The following CR1L variants were observed in gnomAD, a reference collection of about 807,000 sequenced individuals.
The protein encoded by CR1L is complement component receptor 1-like protein.
Under a neutral mutation model 62.3 loss-of-function variants are expected in CR1L, and 59 were observed. That is an observed-to-expected ratio of 0.95 (90% CI 0.77 to 1.18). The LOEUF (loss-of-function observed/expected upper bound fraction) is 1.18, where lower values mean the gene tolerates loss of function less well. CR1L is among the 50% of genes most tolerant of loss of function. CR1L has a pLI of 0.00. For synonymous variants in CR1L, 279 were observed against 248.7 expected (o/e 1.12, Z -1.15); for missense variants, 700 against 702.8 (o/e 1.00, Z 0.04).
In CR1L at chr1:207,679,153, ATTTTTTTTTT is replaced by A. The variant is rs34703217; in HGVS notation, c.377+870_377+879del. On this transcript the variant is annotated intron_variant, in intron 3 of 11. Transcript: ENST00000508064. Reference sequence around the variant, plus strand: ...GCTGGGACAACAGGTGCCCACCACCATTTTTTTTTTTTTTTTTTTTTTTGTATTTTTAGTA... The same window carrying A: ...GCTGGGACAACAGGTGCCCACCACCATTTTTTTTTTTTTGTATTTTTAGTA... Among the ~76,000 whole-genome samples, 11 of 90,288 alleles carry A rather than the reference ATTTTTTTTTT, an allele frequency of 1.2e-4. No homozygotes were observed. The East Asian group carries it at 3.2e-3, about 26-fold the overall frequency. The allele number at this position is 90,288 out of a possible 152,430, so 59.2% of individuals were successfully genotyped here.
chr1:207,682,742 C>G (rs576466363), intron 3 of CR1L, among the ~76,000 whole-genome samples: 1 of 152,172 alleles, frequency 6.6e-6, no homozygotes, highest in East Asian at 1.9e-4. Flanking sequence ...AAGTTTGAGC[C>G]TACCCTCACT....
chr1:207,675,385 G>A (rs1429948119), intron 1 of CR1L, among the ~76,000 whole-genome samples: 4 of 152,192 alleles, frequency 2.6e-5, no homozygotes, highest in Non-Finnish European at 5.9e-5. Context: ...ACAGGCCAGG[G>A]AAGGCTTCGA....
chr1:207,680,091 G>T (rs986556573), intron 3 of CR1L, among the ~76,000 whole-genome samples: 1 of 152,200 alleles, frequency 6.6e-6, no homozygotes. Flanking sequence ...TGGACCCTAA[G>T]ATAAACTATG....
In CR1L at chr1:207,718,798, C is replaced by A. The variant is rs1450751994; in HGVS notation, c.1642+1107C>A. Among the ~76,000 whole-genome samples the A allele has an allele frequency of 3.3e-5, 5 of 151,862 alleles. No individual in the cohort carries two copies. The South Asian group carries it at 1.0e-3, about 32-fold the overall frequency. ...ACTATAAATCATGCTGCTATAAAGA[C>A]ACATGCACACGTATGTTTATTGCGG... On this transcript the variant is annotated intron_variant, in intron 11 of 11. Coordinates refer to ENST00000508064, the MANE Select transcript of CR1L (RefSeq NM_175710.2).
chr1:207,703,916 C>T (rs59250183), intron 9 of CR1L, among the ~76,000 whole-genome samples: 228 of 151,608 alleles, frequency 1.5e-3, no homozygotes, highest in African/African-American at 5.2e-3. Flanking sequence ...ATTGCGTCAC[C>T]GCACTCCAGG....
At chr1:207,692,897 T>C (rs1664018525) in intron 4 of CR1L, among the ~76,000 whole-genome samples, 1 of 152,212 alleles carries the variant, frequency 6.6e-6, no homozygotes, top group Non-Finnish European at 1.5e-5. Context: ...CTCTTTCTGG[T>C]GTGTTTCCTT....
At chr1:207,709,837 A>AG (rs1344077803) in intron 10 of CR1L, among the ~76,000 whole-genome samples, 1 of 151,708 alleles carries the variant, frequency 6.6e-6, no homozygotes, top group African/African-American at 2.4e-5. Context: ...TGTCTCAAAA[A>AG]AAAAAAAAAA....
At chr1:207,693,227 C>A (rs894810429) in intron 4 of CR1L, among the ~76,000 whole-genome samples, 5 of 152,182 alleles carry the variant, frequency 3.3e-5, no homozygotes, top group African/African-American at 4.8e-5. Context: ...AAGGAATCTT[C>A]CCACCTCAGC....
chr1:207,695,150 G>C (rs1358452692), intron 5 of CR1L, among the ~76,000 whole-genome samples: 1 of 152,138 alleles, frequency 6.6e-6, no homozygotes, highest in African/African-American at 2.4e-5. Flanking sequence ...GCTTGAGACA[G>C]GGTCTTGATC....
chr1:207,719,778 C>T (rs1291284268), intron 11 of CR1L, among the ~76,000 whole-genome samples: 1 of 151,946 alleles, frequency 6.6e-6, no homozygotes, highest in Non-Finnish European at 1.5e-5. Context: ...TACACAACAA[C>T]CTATGAGGAG....
At chr1:207,679,641 C>T (rs1663764373) in intron 3 of CR1L, among the ~76,000 whole-genome samples, 3 of 152,176 alleles carry the variant, frequency 2.0e-5, no homozygotes, top group Admixed American at 1.3e-4. Flanking sequence ...AAAAAATCTG[C>T]ACACAGATGT....
chr1:207,694,360 T>C lies in CR1L; in HGVS notation c.471T>C (p.Ile157=), dbSNP rs1205054605. ...GTGCTCTTCCTTTCCCAGGAATTATTTGTGGGCTACCCCCCACCATCGCCA... is the reference window on the plus strand; with the variant it reads ...GTGCTCTTCCTTTCCCAGGAATTATCTGTGGGCTACCCCCCACCATCGCCA... ...DNKTPVCDRI[I]CGLPPTIANG... is the part of the protein sequence containing the mutation. Residue 157 remains isoleucine (I), a synonymous_variant, in exon 5 of 12, where the codon ATT becomes ATC. Transcript: ENST00000508064. 1 of 1,614,044 alleles carries C rather than the reference T, an allele frequency of 6.2e-7. No homozygotes were observed.
intron 1 of CR1L, among the ~76,000 whole-genome samples, chr1:207,656,644 GGGAGCAAGGTGTCTCACATGGCAGGAGCA>G (rs1663316281): frequency 1.3e-5 from 2 of 152,184 alleles, no homozygotes; most frequent in Non-Finnish European, 2.9e-5. Flanking sequence ...AAGGCAAAGG[GGGAGCAAGGTGTCTCACATGGCAGGAGCA>G]GGAGCAAGGT....
intron 8 of CR1L, among the ~76,000 whole-genome samples, chr1:207,700,981 A>G (rs57038312): frequency 0.034 from 5,180 of 152,284 alleles, 286 homozygotes; most frequent in African/African-American, 0.11. Flanking sequence ...CAATTGTGGG[A>G]TAAGAGAAAC....
intron 1 of CR1L, chr1:207,669,449 G>T: frequency 7.2e-7 from 1 of 1,383,672 alleles, no homozygotes; most frequent in Non-Finnish European, 1.0e-6. Flanking sequence ...GGGAGGATGG[G>T]GGTCTCTTCT....
intron 10 of CR1L, chr1:207,710,802 C>T: frequency 6.4e-7 from 1 of 1,555,478 alleles, no homozygotes; most frequent in Non-Finnish European, 8.9e-7. Context: ...TGCCTGAGGC[C>T]TAGAAGGGCC....
At chr1:207,701,839 G>A (rs770236432) in intron 9 of CR1L, 43 of 732,012 alleles carry the variant, frequency 5.9e-5, no homozygotes, top group Non-Finnish European at 8.3e-5. Context: ...AGAGTATGCC[G>A]TTCACTGGAT....
chr1:207,710,524 G>A, intron 10 of CR1L: 1 of 1,609,032 alleles, frequency 6.2e-7, no homozygotes, highest in Non-Finnish European at 8.5e-7. Context: ...TCGTGGGTGA[G>A]CCCTCCATAT....
intron 1 of CR1L, among the ~76,000 whole-genome samples, chr1:207,661,910 A>T (rs1433150739): frequency 6.6e-6 from 1 of 152,054 alleles, no homozygotes; most frequent in Non-Finnish European, 1.5e-5. Context: ...TATGAAGCTT[A>T]GTTTGGCTGG....
Sources: gnomAD v4.1 joint callset for allele counts (sites outside exome capture counted in the v4.1 genomes callset) on GRCh38, gnomAD v4.1.1 for gene constraint, MANE v1.5 for transcripts, NCBI Gene and HGNC (gene_info 2026-07-23, HGNC 2026-07-21) for gene names.